DMC1: variants seen among roughly 807,000 people sequenced by gnomAD.
DMC1 encodes meiotic recombination protein DMC1 homolog.
Under a neutral mutation model 50.1 loss-of-function variants are expected in DMC1, and 27 were observed. The observed-to-expected ratio is 0.54, with a 90% confidence interval of 0.40 to 0.74. The LOEUF is 0.74. DMC1 is among the 30% of genes least tolerant of loss of function. DMC1 has a pLI of 0.00. For missense variants in DMC1, 295 were observed against 420.2 expected (o/e 0.70, Z 2.60); for synonymous variants, 148 against 136.1 (o/e 1.09, Z -0.61).
intron 7 of DMC1, among the ~76,000 whole-genome samples, chr22:38,551,913 T>C (rs1960600292): frequency 7.0e-6 from 1 of 142,240 alleles, no homozygotes. Context: ...CAGGCTGGAG[T>C]GCAGTGGCGC....
At chr22:38,567,008 C>G (rs898202799) in intron 3 of DMC1, among the ~76,000 whole-genome samples, 2 of 152,188 alleles carry the variant, frequency 1.3e-5, no homozygotes, top group Non-Finnish European at 2.9e-5. Context: ...AAAAGAAAAG[C>G]CTGTTGGTGG....
At chr22:38,517,290 C>T (rs1012192676), downstream of DMC1, among the ~76,000 whole-genome samples, 8 of 152,088 alleles carry the variant, frequency 5.3e-5, no homozygotes, top group Admixed American at 2.0e-4. Flanking sequence ...TAAAACAGGC[C>T]GGGCGTGGTG....
At chr22:38,525,768 C>T (rs1248089387) in intron 12 of DMC1, among the ~76,000 whole-genome samples, 1 of 151,974 alleles carries the variant, frequency 6.6e-6, no homozygotes, top group African/African-American at 2.4e-5. Flanking sequence ...TGGTAAAACC[C>T]CATCTCTACA....
intron 8 of DMC1, 29 bp downstream of exon 8, chr22:38,549,895 TA>T: frequency 1.3e-6 from 2 of 1,516,794 alleles, no homozygotes; most frequent in Non-Finnish European, 1.8e-6. Context: ...ATCACACTAT[TA>T]TGTTAGCAAC....
chr22:38,558,647 G>A (rs1331872655), intron 5 of DMC1, among the ~76,000 whole-genome samples: 2 of 151,796 alleles, frequency 1.3e-5, no homozygotes, highest in East Asian at 2.0e-4. Context: ...CCCAGGAGGC[G>A]GAGGTTGCAG....
intron 12 of DMC1, among the ~76,000 whole-genome samples, chr22:38,537,207 C>CTTTTCT (rs1233450680): frequency 6.6e-6 from 1 of 151,874 alleles, no homozygotes; most frequent in Non-Finnish European, 1.5e-5. Flanking sequence ...TTTTTAAATT[C>CTTTTCT]TTTTCTTTTT....
In DMC1 at chr22:38,520,057, G is replaced by A. The variant is rs955992921; in HGVS notation, c.986C>T (p.Ala329Val). Reference protein sequence around the residue: ...PEMPENEATFAITAGGIGDAK... With the variant: ...PEMPENEATFVITAGGIGDAK... ...ATCCCCAATTCCTCCAGCAGTTATT[G>A]CGAAGGTGGCTTCATTTTCAGGCAT... Residue 329 changes from alanine to valine, a missense_variant, in exon 14 of 14, where the codon GCA becomes GTA. Physicochemically the swap from Ala to Val is moderately conservative, Grantham distance 64. Coordinates refer to ENST00000216024, the MANE Select transcript of DMC1 (RefSeq NM_007068.4). The A allele has an allele frequency of 6.2e-7, 1 of 1,613,524 alleles. No homozygotes were observed. The highest frequency in any genetic ancestry group is 8.5e-7 in the Non-Finnish European group (1 of 1,179,628).
chr22:38,524,568 A>G (rs1263063483), intron 12 of DMC1, among the ~76,000 whole-genome samples: 1 of 152,034 alleles, frequency 6.6e-6, no homozygotes, highest in Non-Finnish European at 1.5e-5. Context: ...CCTTCCCTCT[A>G]AAACTTCCTT....
the DMC1 span, among the ~76,000 whole-genome samples, chr22:38,510,001 C>A: frequency 2.0e-5 from 3 of 152,128 alleles, no homozygotes; most frequent in African/African-American, 7.2e-5. Context: ...ATAAATAGGC[C>A]GGGCCTAATA....
At chr22:38,512,375 G>A in the DMC1 span, among the ~76,000 whole-genome samples, 1 of 152,144 alleles carries the variant, frequency 6.6e-6, no homozygotes, top group East Asian at 1.9e-4. Flanking sequence ...CAAAAATTAA[G>A]ATGGTCAAGC....
chr22:38,547,535 T>C (rs1160832141), intron 8 of DMC1, among the ~76,000 whole-genome samples: 3 of 151,560 alleles, frequency 2.0e-5, no homozygotes, highest in Non-Finnish European at 4.4e-5. Context: ...TTTTTCTTCC[T>C]ATTTGTTTTT....
intron 12 of DMC1, among the ~76,000 whole-genome samples, chr22:38,527,670 T>C (rs5757126): frequency 0.27 from 40,116 of 151,296 alleles, 5,612 homozygotes; most frequent in East Asian, 0.36. Context: ...TAGGCACCCA[T>C]CACCATACCG....
chr22:38,532,970 ATTTT>A, intron 12 of DMC1, among the ~76,000 whole-genome samples: 1 of 152,226 alleles, frequency 6.6e-6, no homozygotes, highest in East Asian at 1.9e-4. Context: ...TACATAGTAG[ATTTT>A]CAATAAATAT....
rs553563138 is a variant in DMC1, at chr22:38,564,367, T to C, written c.244-1998A>G. On this transcript the variant is annotated intron_variant, in intron 4 of 13. Coordinates refer to ENST00000216024, the MANE Select transcript of DMC1 (RefSeq NM_007068.4). ...CTGTGTCACCCAGGCTGGAGCGTAG[T>C]GGCGTGATCTTGCCTCACTGCAACC... Among the ~76,000 whole-genome samples, 4 of 152,272 alleles carry C rather than the reference T, an allele frequency of 2.6e-5. No individual in the cohort carries two copies. The East Asian group carries it at 7.7e-4, about 29-fold the overall frequency.
chr22:38,517,568 T>TCAAAACAAAAAA (rs200005917), downstream of DMC1, among the ~76,000 whole-genome samples: 4 of 151,868 alleles, frequency 2.6e-5, no homozygotes, highest in African/African-American at 9.7e-5. Flanking sequence ...AAACTGTGTC[T>TCAAAACAAAAAA]CAAAACAAAA....
At position 38,539,592 on chromosome 22, in the gene DMC1, C is replaced by A. The variant is rs187937230; in HGVS notation, c.495-180G>T. 3.5e-3 allele frequency among the ~76,000 whole-genome samples: 531 copies of A among 152,290 alleles called. 1 individual carries two copies. Among genetic ancestry groups the A allele is most frequent in the African/African-American group, 0.012 (517 of 41,562 alleles). On this transcript the variant is annotated intron_variant, in intron 8 of 13. Coordinates refer to ENST00000216024, the MANE Select transcript of DMC1 (RefSeq NM_007068.4). ...TACAAGATTTGTTTATTCATAAGTG[C>A]CTCAACTTACCATAGGTAGTGATAA...
chr22:38,529,305 G>A (rs986381761), intron 12 of DMC1, among the ~76,000 whole-genome samples: 12 of 152,074 alleles, frequency 7.9e-5, no homozygotes, highest in African/African-American at 2.4e-4. Flanking sequence ...CACCGCACCC[G>A]GCCAATTTTC....
At chr22:38,548,684 G>A (rs2090371456) in intron 8 of DMC1, among the ~76,000 whole-genome samples, 1 of 152,092 alleles carries the variant, frequency 6.6e-6, no homozygotes, top group African/African-American at 2.4e-5. Context: ...AACCAGCCTG[G>A]CCAACATGGC....
At chr22:38,511,641 A>G in the DMC1 span, among the ~76,000 whole-genome samples, 2 of 152,070 alleles carry the variant, frequency 1.3e-5, no homozygotes, top group African/African-American at 2.4e-5. Flanking sequence ...TTGTTCTGTC[A>G]CCTGGGCTGG....
Sources: allele counts gnomAD v4.1 joint callset (sites outside exome capture counted in the v4.1 genomes callset), GRCh38; gene constraint gnomAD v4.1.1; transcripts MANE v1.5; gene names NCBI Gene and HGNC (gene_info 2026-07-23, HGNC 2026-07-21).